Variants in ARHGAP42 observed in about 807,000 individuals in gnomAD.
The protein encoded by ARHGAP42 is rho GTPase-activating protein 42.
In ARHGAP42, 63 loss-of-function variants were observed where a neutral mutation model predicts 125.0. That is an observed-to-expected ratio of 0.50 (90% CI 0.41 to 0.62). The LOEUF is 0.62. ARHGAP42 is among the 20% of genes least tolerant of loss of function. ARHGAP42 has a pLI of 0.00. For synonymous variants in ARHGAP42, 339 were observed against 351.0 expected (o/e 0.97, Z 0.38); for missense variants, 766 against 1,024.2 (o/e 0.75, Z 3.44).
intron 1 of ARHGAP42, among the ~76,000 whole-genome samples, chr11:100,754,881 A>T (rs1862537680): frequency 1.3e-5 from 2 of 152,344 alleles, no homozygotes; most frequent in South Asian, 2.1e-4. Flanking sequence ...AAGTAATAAT[A>T]AAAAAGTGCT....
In ARHGAP42 at chr11:100,687,590, G is replaced by A. The variant is rs1441913058; in HGVS notation, c.-89G>A. 4 of 1,085,666 alleles carry A rather than the reference G, an allele frequency of 3.7e-6. No individual in the cohort carries two copies. The South Asian group carries it at 1.4e-4, about 37-fold the overall frequency. 67.3% of individuals were successfully genotyped at this position (1,085,666 alleles called of 1,614,324 possible). Reference sequence around the variant, plus strand: ...CCCGGCGCCTTCCCCGCGATCGCGCGACCCCAGCGCCCGCCGCGGCCGCCG... The same window carrying A: ...CCCGGCGCCTTCCCCGCGATCGCGCAACCCCAGCGCCCGCCGCGGCCGCCG... On this transcript the variant is annotated 5_prime_UTR_variant, in exon 1 of 24. Coordinates refer to ENST00000298815, the MANE Select transcript of ARHGAP42 (RefSeq NM_152432.4).
At chr11:100,959,781 C>A (rs1222421261) in intron 12 of ARHGAP42, 102 bp from the exon 13 acceptor site, 4 of 1,078,676 alleles carry the variant, frequency 3.7e-6, no homozygotes, top group Admixed American at 4.6e-5. Flanking sequence ...TCAGAAAAAA[C>A]CTCTCTACTG....
chr11:100,885,553 GTGTC>G (rs1866070592), intron 4 of ARHGAP42, among the ~76,000 whole-genome samples: 1 of 152,078 alleles, frequency 6.6e-6, no homozygotes, highest in Non-Finnish European at 1.5e-5. Context: ...TTTTGACTAT[GTGTC>G]TGTATAAATT....
At chr11:100,968,791 A>G (rs1433934917) in intron 17 of ARHGAP42, among the ~76,000 whole-genome samples, 1 of 152,158 alleles carries the variant, frequency 6.6e-6, no homozygotes, top group African/African-American at 2.4e-5. Flanking sequence ...AATATATCAC[A>G]TTTTTAAATG....
At chr11:100,883,474 C>T (rs1324590626) in intron 4 of ARHGAP42, among the ~76,000 whole-genome samples, 1 of 152,072 alleles carries the variant, frequency 6.6e-6, no homozygotes. Flanking sequence ...TCCCAAGTAG[C>T]TGGGATTACA....
rs763198882 is a variant in ARHGAP42 at position 100,961,664 on chromosome 11, C to A, written c.1301-20C>A. On this transcript the variant is annotated intron_variant, in intron 14 of 23. Transcript: ENST00000298815. ...TATTTTGAACTGCACAATTTAAACA[C>A]CTTGTTTTATTCTTTCCAGCTCCTA... The A allele has an allele frequency of 6.5e-7, 1 of 1,546,524 alleles. No homozygotes were observed. Among genetic ancestry groups the A allele is most frequent in the Admixed American group, 2.0e-5 (1 of 50,704 alleles).
At chr11:100,908,681 T>C (rs1866822808) in intron 4 of ARHGAP42, among the ~76,000 whole-genome samples, 1 of 152,192 alleles carries the variant, frequency 6.6e-6, no homozygotes, top group African/African-American at 2.4e-5. Flanking sequence ...GAGTTTGCTA[T>C]TGTGAATGCT....
At chr11:100,866,104 A>G (rs1370896765) in intron 4 of ARHGAP42, among the ~76,000 whole-genome samples, 1 of 152,180 alleles carries the variant, frequency 6.6e-6, no homozygotes, top group Non-Finnish European at 1.5e-5. Context: ...CTTTGTTGTC[A>G]TTTCAACAGT....
chr11:100,954,311 G>A (rs1430540048), intron 12 of ARHGAP42, among the ~76,000 whole-genome samples: 2 of 152,146 alleles, frequency 1.3e-5, no homozygotes, highest in Non-Finnish European at 2.9e-5. Context: ...GGTACTGCGA[G>A]TAAGAAAAAG....
At chr11:100,971,106 T>C (rs1858232802) in intron 17 of ARHGAP42, among the ~76,000 whole-genome samples, 1 of 152,166 alleles carries the variant, frequency 6.6e-6, no homozygotes, top group Admixed American at 6.5e-5. Context: ...GAGCCAGTTG[T>C]ACCTCAAAAG....
At chr11:100,862,355 C>A (rs1865463809) in intron 4 of ARHGAP42, among the ~76,000 whole-genome samples, 1 of 152,196 alleles carries the variant, frequency 6.6e-6, no homozygotes, top group Admixed American at 6.5e-5. Flanking sequence ...AAAATTCTTT[C>A]CCTAGTACAC....
At chr11:100,953,578 G>A (rs1418193354) in intron 12 of ARHGAP42, among the ~76,000 whole-genome samples, 3 of 152,116 alleles carry the variant, frequency 2.0e-5, no homozygotes, top group Non-Finnish European at 4.4e-5. Context: ...AAACTATGCT[G>A]TGACTGTAGT....
chr11:100,917,900 C>T (rs778283193), intron 5 of ARHGAP42, among the ~76,000 whole-genome samples: 3 of 152,086 alleles, frequency 2.0e-5, no homozygotes, highest in Non-Finnish European at 4.4e-5. Context: ...TCAAATTTAT[C>T]TTTGGCTTTT....
chr11:100,971,866 A>G (rs892313613), intron 17 of ARHGAP42, among the ~76,000 whole-genome samples: 2 of 152,206 alleles, frequency 1.3e-5, no homozygotes, highest in Admixed American at 6.5e-5. Context: ...ATATTAAATA[A>G]CATAAATGAG....
rs967765486 is a variant in ARHGAP42 at position 100,987,433 on chromosome 11, G to A, written c.2457-80G>A. The A allele has an allele frequency of 3.8e-5, 44 of 1,152,816 alleles. No individual in the cohort carries two copies. In the Admixed American group the frequency reaches 7.3e-4, roughly 19 times the overall value. The allele number at this position is 1,152,816 out of a possible 1,614,324, so 71.4% of individuals were successfully genotyped here. ...TTCCAATTACAAGTAAAAATTAATA[G>A]CATTCTTGAAGAAGAGTTTTAAATA... On this transcript the variant is annotated intron_variant, in intron 22 of 23. Transcript: ENST00000298815.
At position 100,962,201 on chromosome 11, in the gene ARHGAP42, G is replaced by A. The variant is rs149477198; in HGVS notation, c.1386-208G>A. On this transcript the variant is annotated intron_variant, in intron 15 of 23. Transcript: ENST00000298815. ...TGGAAAGAAGTACATTGGTGTCTTC[G>A]AGGTCTGCGTTTCAGGTCTCTCTGT... is the stretch of plus-strand genomic sequence containing the variant. Among the ~76,000 whole-genome samples the A allele has an allele frequency of 5.4e-3, 828 of 152,046 alleles. 4 individuals are homozygous for A. The highest frequency in any genetic ancestry group is 0.019 in the African/African-American group (787 of 41,484).
At chr11:100,985,296 G>T (rs1351890715) in intron 22 of ARHGAP42, among the ~76,000 whole-genome samples, 1 of 152,044 alleles carries the variant, frequency 6.6e-6, no homozygotes. Flanking sequence ...TGTCTTAATG[G>T]TTCAAAGAAA....
chr11:100,918,755 T>A (rs949842413), intron 5 of ARHGAP42, among the ~76,000 whole-genome samples: 1 of 152,180 alleles, frequency 6.6e-6, no homozygotes, highest in Non-Finnish European at 1.5e-5. Context: ...GCAGCTTTGG[T>A]GTATCAAATT....
chr11:100,703,963 G>A (rs1383257718), intron 1 of ARHGAP42, among the ~76,000 whole-genome samples: 2 of 152,162 alleles, frequency 1.3e-5, no homozygotes, highest in Non-Finnish European at 2.9e-5. Flanking sequence ...TTTTGTAAAT[G>A]TAATTATGCT....
Sources: gnomAD v4.1 joint callset for allele counts (sites outside exome capture counted in the v4.1 genomes callset) on GRCh38, gnomAD v4.1.1 for gene constraint, MANE v1.5 for transcripts, NCBI Gene and HGNC (gene_info 2026-07-23, HGNC 2026-07-21) for gene names.